The following PARP9 variants were observed in gnomAD, a reference collection of about 807,000 sequenced individuals.
The protein encoded by PARP9 is protein mono-ADP-ribosyltransferase PARP9.
PARP9 carries 48 observed loss-of-function variants against 68.8 expected under a neutral mutation model. The ratio of observed to expected loss-of-function variants is 0.70; its 90% confidence interval spans 0.55 to 0.89. PARP9 has a LOEUF of 0.89. Among genes scored for constraint, PARP9 ranks in the 40% least tolerant of loss-of-function variants. PARP9 has a pLI of 0.00. For synonymous variants in PARP9, 309 were observed against 333.8 expected (o/e 0.93, Z 0.81); for missense variants, 806 against 969.3 (o/e 0.83, Z 2.24).
chr3:122,549,017 A>ATTT (rs34551808), intron 6 of PARP9, among the ~76,000 whole-genome samples: 1 of 145,510 alleles, frequency 6.9e-6, no homozygotes. Context: ...GTATTAACTC[A>ATTT]TTTTTTTTTT....
At chr3:122,535,087 C>T (rs538387597) in intron 10 of PARP9, 3 of 983,356 alleles carry the variant, frequency 3.1e-6, no homozygotes, top group African/African-American at 1.7e-5. Context: ...AGTAAGAGCA[C>T]AGCGATGATC....
Position 122,532,506 on chromosome 3 carries a change from G to C in PARP9, c.2080+3662C>G, listed in dbSNP as rs1183345305. 7 of 856,838 alleles carry C rather than the reference G, an allele frequency of 8.2e-6. No individual in the cohort carries two copies. In the African/African-American group the frequency reaches 1.3e-4, roughly 16 times the overall value. 53.1% of individuals were successfully genotyped at this position (856,838 alleles called of 1,614,324 possible). A position where few individuals can be genotyped will look rare whatever the true frequency, so the allele number is the denominator to read the frequency against. ...CTCTGAAAATGACTGAGTTCACCTTGAACTGTCAAGATTCAAATTTTCCAC... is the reference window on the plus strand; with the variant it reads ...CTCTGAAAATGACTGAGTTCACCTTCAACTGTCAAGATTCAAATTTTCCAC... On this transcript the variant is annotated intron_variant, in intron 10 of 10. Transcript: ENST00000682323.
At chr3:122,559,568 A>G (rs751945985) in intron 2 of PARP9, 38 bp downstream of exon 2, 4 of 1,566,240 alleles carry the variant, frequency 2.6e-6, no homozygotes, top group Non-Finnish European at 3.5e-6. Flanking sequence ...TCATGTGCTG[A>G]TCAAGGTTCA....
chr3:122,561,677 C>T (rs951527117), intron 1 of PARP9, among the ~76,000 whole-genome samples: 2 of 152,176 alleles, frequency 1.3e-5, no homozygotes, highest in African/African-American at 4.8e-5. Context: ...TCCACCATCT[C>T]CCTCTTAATT....
intron 6 of PARP9, among the ~76,000 whole-genome samples, chr3:122,546,350 G>A (rs1468538307): frequency 1.3e-5 from 2 of 152,322 alleles, no homozygotes; most frequent in South Asian, 2.1e-4. Context: ...AGTCAGCCAC[G>A]TGATCACAAG....
intron 1 of PARP9, among the ~76,000 whole-genome samples, chr3:122,562,052 C>A (rs2080251197): frequency 1.3e-5 from 2 of 152,100 alleles, no homozygotes; most frequent in African/African-American, 4.8e-5. Flanking sequence ...ATATCTGGGA[C>A]CTGACAAACT....
chr3:122,540,608 G>A lies in PARP9; in HGVS notation c.1629C>T (p.Ser543=). The part of the protein sequence containing the change: ...TSSVSITEII[S]PGRTELEIEG... ...CAATCTCTAACTCTGTCCTTCCTGG[G>A]CTGATAATTTCTGTGATGGAGACAC... Residue 543 remains serine (S), a synonymous_variant, in exon 8 of 11, where the codon AGC becomes AGT. Coordinates refer to ENST00000682323, the MANE Select transcript of PARP9 (RefSeq NM_001146105.2). 8 of 1,614,106 alleles carry A rather than the reference G, an allele frequency of 5.0e-6. No homozygotes were observed. Among genetic ancestry groups the A allele is most frequent in the Non-Finnish European group, 6.8e-6 (8 of 1,180,020 alleles).
At position 122,555,970 on chromosome 3, in the gene PARP9, G is replaced by T. The variant is rs749895969; in HGVS notation, c.201C>A (p.Gly67=). The T allele has an allele frequency of 6.2e-7, 1 of 1,613,856 alleles. No homozygotes were observed. The part of the protein sequence containing the change: ...ISTLVSPVQE[G]NSKSLQVFRK... ...TGAACACTTGCAGAGATTTGCTGTT[G>T]CCTTCCTGAACTGGAGAGACCAGGG... The change falls in exon 4 of 11, where the codon GGC becomes GGA. Residue 67 remains glycine (G), a synonymous_variant. Coordinates refer to ENST00000682323, the MANE Select transcript of PARP9 (RefSeq NM_001146105.2).
intron 6 of PARP9, among the ~76,000 whole-genome samples, chr3:122,546,892 C>T (rs7629285): frequency 0.13 from 18,379 of 147,030 alleles, 1,324 homozygotes; most frequent in East Asian, 0.33. Flanking sequence ...ACAACAGTGG[C>T]TTCATCAAAA....
At chr3:122,532,138 G>A (rs2077356976) in intron 10 of PARP9, 1 of 985,294 alleles carries the variant, frequency 1.0e-6, no homozygotes, top group Admixed American at 6.2e-5. Context: ...GGCTGGAGAA[G>A]TCTCTGGAGC....
intron 2 of PARP9, 64 bp downstream of exon 2, chr3:122,559,542 T>A: frequency 6.7e-7 from 1 of 1,488,084 alleles, no homozygotes; most frequent in South Asian, 1.5e-5. Flanking sequence ...TTTCTTGCTG[T>A]TATATAAAGA....
chr3:122,564,107 T>A (rs1034867301), intron 1 of PARP9, 138 bp downstream of exon 1: 5 of 346,964 alleles, frequency 1.4e-5, no homozygotes, highest in Non-Finnish European at 2.6e-5. Context: ...CAGGAGAAAC[T>A]TACTTTCTTT....
intron 7 of PARP9, among the ~76,000 whole-genome samples, chr3:122,543,566 G>A (rs538439248): frequency 9.4e-5 from 14 of 148,888 alleles, no homozygotes; most frequent in African/African-American, 3.0e-4. Flanking sequence ...CGTAAGCCAC[G>A]GTGCCCGGCC....
Position 122,540,695 on chromosome 3 carries a change from A to G in PARP9, c.1542T>C (p.Asn514=), listed in dbSNP as rs144003513. ...CCTTTCTCCCAAGGTACAGAATATG[A>G]TTATTCTCAATGATGTGGTGGTTCT... ...SLQNHHIIEN[N]HILYLGRKEH... is the part of the protein sequence containing the mutation. Residue 514 remains asparagine (N), a synonymous_variant, in exon 8 of 11, where the codon AAT becomes AAC. Transcript: ENST00000682323. 1 of 1,614,082 alleles carries G rather than the reference A, an allele frequency of 6.2e-7. No homozygotes were observed. Among genetic ancestry groups the G allele is most frequent in the African/African-American group, 1.3e-5 (1 of 75,018 alleles).
chr3:122,554,207 C>G (rs2079443942), intron 4 of PARP9, among the ~76,000 whole-genome samples: 1 of 151,912 alleles, frequency 6.6e-6, no homozygotes, highest in Non-Finnish European at 1.5e-5. Context: ...TCACTCTGAC[C>G]ACCCAGAAAG....
At chr3:122,554,539 T>G (rs983261170) in intron 4 of PARP9, among the ~76,000 whole-genome samples, 3 of 152,226 alleles carry the variant, frequency 2.0e-5, no homozygotes, top group Non-Finnish European at 4.4e-5. Context: ...ATACTTATTA[T>G]GTGCCAAGCA....
rs372738598 is a variant in PARP9, at chr3:122,552,155, A to G, written c.1107+263T>C. On this transcript the variant is annotated intron_variant, in intron 5 of 10. Transcript: ENST00000682323. ...GGCTGGTCTCAGACTCCTGGGCTCAAGTGATCCTCCCACCTTGGCCTCCCA... is the reference window on the plus strand; with the variant it reads ...GGCTGGTCTCAGACTCCTGGGCTCAGGTGATCCTCCCACCTTGGCCTCCCA... Among the ~76,000 whole-genome samples the G allele has an allele frequency of 7.6e-4, 116 of 152,168 alleles. 1 individual carries two copies. The South Asian group carries it at 0.023, about 30-fold the overall frequency.
intron 8 of PARP9, among the ~76,000 whole-genome samples, chr3:122,538,811 G>A (rs980064723): frequency 6.6e-6 from 1 of 151,828 alleles, no homozygotes; most frequent in Non-Finnish European, 1.5e-5. Context: ...AAAACTAAGC[G>A]AAAATCATAA....
chr3:122,539,559 C>CT (rs1280005722), intron 8 of PARP9, among the ~76,000 whole-genome samples: 15 of 82,686 alleles, frequency 1.8e-4, no homozygotes, highest in Non-Finnish European at 2.6e-4. Flanking sequence ...TTCTTTCTTT[C>CT]TTTCTTTCTT....
Sources: allele counts gnomAD v4.1 joint callset (sites outside exome capture counted in the v4.1 genomes callset), GRCh38; gene constraint gnomAD v4.1.1; transcripts MANE v1.5; gene names NCBI Gene and HGNC (gene_info 2026-07-23, HGNC 2026-07-21).